The following MYO18B variants were observed in gnomAD, a reference collection of about 807,000 sequenced individuals.
The protein encoded by MYO18B is myosin XVIIIB, also known as unconventional myosin-XVIIIb.
A neutral mutation model predicts 273.0 loss-of-function variants in MYO18B; 204 were observed. The observed-to-expected ratio is 0.75, with a 90% CI of 0.67 to 0.84. The LOEUF is 0.84. Among genes scored for constraint, MYO18B ranks in the 40% least tolerant of loss-of-function variants. The pLI, the probability that MYO18B is intolerant of heterozygous loss-of-function variation, is 0.00. For missense variants in MYO18B, 3,212 were observed against 3,287.6 expected (o/e 0.98, Z 0.56); for synonymous variants, 1,330 against 1,305.7 (o/e 1.02, Z -0.40).
At chr22:26,015,308 CAA>C in intron 42 of MYO18B, among the ~76,000 whole-genome samples, 1 of 152,124 alleles carries the variant, frequency 6.6e-6, no homozygotes, top group African/African-American at 2.4e-5. Context: ...GGTATATACC[CAA>C]AGGAATATAA....
intron 39 of MYO18B, among the ~76,000 whole-genome samples, chr22:25,958,229 T>C (rs946144455): frequency 2.0e-5 from 3 of 152,164 alleles, no homozygotes; most frequent in Non-Finnish European, 4.4e-5. Context: ...AAACCCTTTT[T>C]CTAAATGAGA....
chr22:25,908,419 C>T lies in MYO18B; in HGVS notation c.5246C>T (p.Ser1749Phe). 1 of 1,591,386 alleles carries T rather than the reference C, an allele frequency of 6.3e-7. No individual in the cohort carries two copies. Among genetic ancestry groups the T allele is most frequent in the African/African-American group, 1.3e-5 (1 of 74,630 alleles). Residue 1749 changes from serine (S) to phenylalanine (F), a missense_variant, in exon 32 of 44, where the codon TCC becomes TTC. Physicochemically the swap from Ser to Phe is radical, Grantham distance 155 (BLOSUM62 -2). Transcript: ENST00000335473. ...QEEELEDVRQSCQKRLHQLEM... is the reference protein window; with the variant it reads ...QEEELEDVRQFCQKRLHQLEM... ...GAGGAACTGGAGGATGTCCGTCAGTCCTGCCAGAAGCGGGTACGTGAGCAG... is the reference window on the plus strand; with the variant it reads ...GAGGAACTGGAGGATGTCCGTCAGTTCTGCCAGAAGCGGGTACGTGAGCAG...
intron 40 of MYO18B, among the ~76,000 whole-genome samples, chr22:25,993,634 A>G (rs1289727446): frequency 6.6e-6 from 1 of 152,204 alleles, no homozygotes; most frequent in East Asian, 1.9e-4. Flanking sequence ...ACTGAGCTAG[A>G]ACTCAGGTCT....
Position 25,902,570 on chromosome 22 carries a change from C to T in MYO18B, c.4824-43C>T, listed in dbSNP as rs556818266. ...GCCCCTGCCTCAATCACTCCCCTGC[C>T]CACCTGCCTACGGGGCCCTGACACG... is the stretch of plus-strand genomic sequence containing the variant. On this transcript the variant is annotated intron_variant, in intron 29 of 43. Coordinates refer to ENST00000335473, the MANE Select transcript of MYO18B (RefSeq NM_032608.7). The T allele has an allele frequency of 5.1e-6, 8 of 1,583,310 alleles. No individual in the cohort carries two copies. In the South Asian group the frequency reaches 7.0e-5, roughly 14 times the overall value.
chr22:26,013,003 C>T (rs1312642029), intron 42 of MYO18B, among the ~76,000 whole-genome samples: 2 of 152,222 alleles, frequency 1.3e-5, no homozygotes, highest in African/African-American at 4.8e-5. Context: ...AAGAAACCCA[C>T]CATCCTGACT....
the MYO18B span, among the ~76,000 whole-genome samples, chr22:26,044,650 G>A: frequency 6.6e-6 from 1 of 152,270 alleles, no homozygotes; most frequent in Admixed American, 6.5e-5. Context: ...CTACTTCTTT[G>A]TTCCATAAAT....
At chr22:25,954,193 G>A (rs2092822635) in intron 38 of MYO18B, among the ~76,000 whole-genome samples, 1 of 152,012 alleles carries the variant, frequency 6.6e-6, no homozygotes, top group Non-Finnish European at 1.5e-5. Flanking sequence ...TGTTTTGTGT[G>A]GCACTCGTGA....
At chr22:25,931,067 T>G (rs1258356370) in intron 34 of MYO18B, among the ~76,000 whole-genome samples, 1 of 152,206 alleles carries the variant, frequency 6.6e-6, no homozygotes. Context: ...TGTGGGCACC[T>G]GGGGAACATT....
At chr22:25,871,752 G>A (rs963384016) in intron 22 of MYO18B, among the ~76,000 whole-genome samples, 4 of 152,032 alleles carry the variant, frequency 2.6e-5, no homozygotes, top group East Asian at 1.9e-4. Flanking sequence ...ACGTGCAGTC[G>A]GCCTTCTGGT....
chr22:25,879,936 A>C (rs1430087918), intron 25 of MYO18B, among the ~76,000 whole-genome samples: 1 of 152,148 alleles, frequency 6.6e-6, no homozygotes, highest in Non-Finnish European at 1.5e-5. Flanking sequence ...CGCACTCACT[A>C]TCACTAGAAC....
rs149831457 is a variant in MYO18B, at chr22:25,798,406, G to A, written c.2521+309G>A. Among the ~76,000 whole-genome samples, 380 of 152,274 alleles carry A rather than the reference G, an allele frequency of 2.5e-3. 2 individuals are homozygous for A. The highest frequency in any genetic ancestry group is 0.01 in the Middle Eastern group (3 of 294). ...CACTTATATATAGTAGTGCGACTGAGGAATTGAATTTTTAATTGTATTTAA... is the reference window on the plus strand; with the variant it reads ...CACTTATATATAGTAGTGCGACTGAAGAATTGAATTTTTAATTGTATTTAA... On this transcript the variant is annotated intron_variant, in intron 12 of 43. Transcript: ENST00000335473.
Position 26,027,334 on chromosome 22 carries a change from C to T in MYO18B, c.7360C>T (p.Pro2454Ser), listed in dbSNP as rs1936332871. 4 of 1,614,012 alleles carry T rather than the reference C, an allele frequency of 2.5e-6. No individual in the cohort carries two copies. The highest frequency in any genetic ancestry group is 3.4e-6 in the Non-Finnish European group (4 of 1,179,882). ...CCCAGCTATCCGGAAGCCCCAGACA[C>T]CTACCTCCTTGGCTGGATCAGCCAA... is the stretch of plus-strand genomic sequence containing the variant. Reference protein sequence around the residue: ...FLPAIRKPQTPTSLAGSAKGG... With the variant: ...FLPAIRKPQTSTSLAGSAKGG... The change falls in exon 43 of 44, where the codon CCT becomes TCT. Residue 2454 changes from proline to serine, a missense_variant. Coordinates refer to ENST00000335473, the MANE Select transcript of MYO18B (RefSeq NM_032608.7). The surrounding 1 kb of genome is among the most constrained non-coding windows in gnomAD (Gnocchi z 4.1).
At chr22:25,892,838 C>T (rs910028843) in intron 27 of MYO18B, among the ~76,000 whole-genome samples, 1 of 152,202 alleles carries the variant, frequency 6.6e-6, no homozygotes, top group Non-Finnish European at 1.5e-5. Flanking sequence ...GTGGGACAGT[C>T]TCTGGCCTTG....
chr22:25,933,358 G>A (rs919912876), intron 34 of MYO18B, among the ~76,000 whole-genome samples: 1 of 152,100 alleles, frequency 6.6e-6, no homozygotes, highest in African/African-American at 2.4e-5. Flanking sequence ...CCCTCCACCT[G>A]GCCTTTGCAG....
At chr22:25,833,449 G>T (rs1315527388) in intron 16 of MYO18B, among the ~76,000 whole-genome samples, 2 of 152,068 alleles carry the variant, frequency 1.3e-5, no homozygotes, top group Non-Finnish European at 2.9e-5. Flanking sequence ...AACTCATCTG[G>T]GGGCAGACAG....
intron 34 of MYO18B, among the ~76,000 whole-genome samples, chr22:25,921,815 AGTGTGTGTGTGTGT>A (rs71191088): frequency 0.29 from 37,189 of 130,358 alleles, 5,109 homozygotes; most frequent in Middle Eastern, 0.36. Flanking sequence ...AAATAGCAAT[AGTGTGTGTGTGTGT>A]GTGTGTGTGT....
At chr22:26,036,863 G>A in the MYO18B span, among the ~76,000 whole-genome samples, 2 of 152,340 alleles carry the variant, frequency 1.3e-5, no homozygotes, top group South Asian at 2.1e-4. Flanking sequence ...ATCAATTAAA[G>A]AGCAATTTTC....
chr22:25,920,565 C>T (rs561446029), intron 33 of MYO18B, among the ~76,000 whole-genome samples: 49 of 152,282 alleles, frequency 3.2e-4, no homozygotes, highest in African/African-American at 1.1e-3. Context: ...AAGGAATGTA[C>T]TCACCTCTGG....
At chr22:25,833,529 G>C (rs990008414) in intron 16 of MYO18B, among the ~76,000 whole-genome samples, 2 of 152,186 alleles carry the variant, frequency 1.3e-5, no homozygotes, top group African/African-American at 4.8e-5. Context: ...TGCTACCCCA[G>C]ATCTGCACCT....
Sources: allele counts gnomAD v4.1 joint callset (sites outside exome capture counted in the v4.1 genomes callset), GRCh38; gene constraint gnomAD v4.1.1; non-coding constraint Gnocchi (gnomAD v3.1); transcripts MANE v1.5; gene names NCBI Gene and HGNC (gene_info 2026-07-23, HGNC 2026-07-21).